The following CTDP1 variants were observed in gnomAD, a reference collection of about 807,000 sequenced individuals.
The protein encoded by CTDP1 is RNA polymerase II subunit A C-terminal domain phosphatase.
A neutral mutation model predicts 91.8 loss-of-function variants in CTDP1; 47 were observed. That is an observed-to-expected ratio of 0.51 (90% CI 0.41 to 0.65). The LOEUF is 0.65. CTDP1 is among the 30% of genes least tolerant of loss of function. The pLI, the probability that CTDP1 is intolerant of heterozygous loss-of-function variation, is 0.00. For synonymous variants in CTDP1, 656 were observed against 598.5 expected (o/e 1.10, Z -1.40); for missense variants, 1,272 against 1,373.7 (o/e 0.93, Z 1.17).
intron 12 of CTDP1, among the ~76,000 whole-genome samples, chr18:79,740,175 G>A (rs1475805972): frequency 1.3e-5 from 2 of 148,172 alleles, no homozygotes; most frequent in African/African-American, 5.0e-5. Context: ...CGGGACGGGT[G>A]GGACTCTCAT....
At chr18:79,751,150 A>C (rs1599329615) in intron 12 of CTDP1, among the ~76,000 whole-genome samples, 1 of 33,274 alleles carries the variant, frequency 3.0e-5, no homozygotes, top group Non-Finnish European at 5.5e-5. Flanking sequence ...CAGGCCGGGG[A>C]GGGAGGGGCT....
At chr18:79,696,618 C>G (rs2085753649) in intron 3 of CTDP1, among the ~76,000 whole-genome samples, 1 of 152,024 alleles carries the variant, frequency 6.6e-6, no homozygotes, top group Non-Finnish European at 1.5e-5. Context: ...TGGGCACATG[C>G]AGGGGCGGGT....
At chr18:79,709,513 C>A (rs545237125) in intron 5 of CTDP1, among the ~76,000 whole-genome samples, 2 of 152,124 alleles carry the variant, frequency 1.3e-5, no homozygotes, top group African/African-American at 2.4e-5. Context: ...TTTAAGGAGT[C>A]GAAGCTGAGC....
intron 4 of CTDP1, among the ~76,000 whole-genome samples, 165 bp from the exon 5 acceptor site, chr18:79,704,602 G>T (rs1443921163): frequency 1.3e-5 from 2 of 151,318 alleles, no homozygotes; most frequent in African/African-American, 4.9e-5. Context: ...CCTGTCTCAG[G>T]CACCCGTGTG....
At chr18:79,679,605 C>T (rs1019481871), upstream of CTDP1, 28 of 477,450 alleles carry the variant, frequency 5.9e-5, no homozygotes, top group Non-Finnish European at 9.9e-5. Flanking sequence ...GCGACAGCGG[C>T]CCGCGTTGCA....
At chr18:79,721,928 A>G (rs866945868) in intron 10 of CTDP1, among the ~76,000 whole-genome samples, 1 of 151,874 alleles carries the variant, frequency 6.6e-6, no homozygotes, top group Non-Finnish European at 1.5e-5. Flanking sequence ...GGTTCAAGCA[A>G]TTCTCATGCC....
Position 79,697,869 on chromosome 18 carries a change from C to T in CTDP1, c.502C>T (p.Gln168Ter). The change falls in exon 4 of 13, where the codon CAG becomes TAG. Residue 168 changes from glutamine (Q) to a stop codon, truncating the protein, a stop_gained. Transcript: ENST00000613122. LOFTEE classifies it high-confidence loss of function. Reference sequence around the variant, plus strand: ...TTCTTTTTAATTGTAGCAAGCTGAACAGCTGGGAAGAGAAGACCAGCAGCG... The same window carrying T: ...TTCTTTTTAATTGTAGCAAGCTGAATAGCTGGGAAGAGAAGACCAGCAGCG... ...ELMVSSEQAE[Q>*]LGREDQQRLH... The T allele has an allele frequency of 6.2e-7, 1 of 1,614,170 alleles. No individual in the cohort carries two copies. The highest frequency in any genetic ancestry group is 8.5e-7 in the Non-Finnish European group (1 of 1,180,028).
intron 12 of CTDP1, among the ~76,000 whole-genome samples, chr18:79,741,269 G>A (rs1007074365): frequency 7.9e-5 from 12 of 152,156 alleles, no homozygotes; most frequent in Non-Finnish European, 1.6e-4. Context: ...GAGGTCCCCC[G>A]TGCGGTTGAT....
chr18:79,712,259 A>ATTC (rs2122609684), intron 6 of CTDP1, among the ~76,000 whole-genome samples: 1 of 152,118 alleles, frequency 6.6e-6, no homozygotes, highest in African/African-American at 2.4e-5. Flanking sequence ...CCGCTTAGAA[A>ATTC]TTCTGCATCA....
chr18:79,679,263 C>G (rs893306050), upstream of CTDP1: 1 of 385,680 alleles, frequency 2.6e-6, no homozygotes, highest in Non-Finnish European at 5.3e-6. Context: ...CCGCAACCCC[C>G]AAGCTCCCGC....
At chr18:79,736,558 G>A (rs1007270011) in intron 12 of CTDP1, 37 bp downstream of exon 12, 56 of 1,503,772 alleles carry the variant, frequency 3.7e-5, no homozygotes, top group Admixed American at 8.7e-5. Flanking sequence ...GGCCTGACAC[G>A]GGCTCCCGGA....
At chr18:79,700,645 G>T (rs2085838994) in intron 4 of CTDP1, among the ~76,000 whole-genome samples, 1 of 152,242 alleles carries the variant, frequency 6.6e-6, no homozygotes, top group African/African-American at 2.4e-5. Flanking sequence ...GAAGCAGCAG[G>T]TGCTGTTGGA....
intron 4 of CTDP1, among the ~76,000 whole-genome samples, chr18:79,700,933 C>T (rs1406924508): frequency 2.6e-5 from 4 of 152,204 alleles, no homozygotes; most frequent in Non-Finnish European, 5.9e-5. Flanking sequence ...TGCTAAATCT[C>T]CTCTGCCTGT....
intron 5 of CTDP1, among the ~76,000 whole-genome samples, chr18:79,709,932 G>A (rs949956608): frequency 6.6e-6 from 1 of 152,192 alleles, no homozygotes; most frequent in Non-Finnish European, 1.5e-5. Flanking sequence ...GATCATATCC[G>A]AGGTGACGCA....
intron 11 of CTDP1, among the ~76,000 whole-genome samples, chr18:79,734,396 G>A (rs1175730767): frequency 6.6e-6 from 1 of 152,278 alleles, no homozygotes; most frequent in Non-Finnish European, 1.5e-5. Context: ...GCAGAAAGAG[G>A]GAGAGGAGAT....
intron 1 of CTDP1, among the ~76,000 whole-genome samples, chr18:79,688,138 TG>T (rs987738028): frequency 4.6e-5 from 7 of 152,256 alleles, no homozygotes; most frequent in Non-Finnish European, 4.4e-5. Flanking sequence ...GTCTGGGCTC[TG>T]GGCGACTGAA....
chr18:79,741,303 T>G (rs1282229903), intron 12 of CTDP1, among the ~76,000 whole-genome samples: 1 of 152,248 alleles, frequency 6.6e-6, no homozygotes, highest in Admixed American at 6.5e-5. Flanking sequence ...TATCCTTTTA[T>G]GCTTTTGGTG....
chr18:79,701,756 C>T (rs994171985), intron 4 of CTDP1, among the ~76,000 whole-genome samples: 6 of 152,084 alleles, frequency 3.9e-5, no homozygotes, highest in East Asian at 1.9e-4. Context: ...GGGAAGATGT[C>T]GATTCCAACC....
intron 4 of CTDP1, among the ~76,000 whole-genome samples, chr18:79,698,956 G>A (rs760134933): frequency 6.6e-6 from 1 of 152,206 alleles, no homozygotes; most frequent in Admixed American, 6.5e-5. Flanking sequence ...GTTTGGTTAA[G>A]TTTGGCCTTG....
Sources: allele counts gnomAD v4.1 joint callset (sites outside exome capture counted in the v4.1 genomes callset), GRCh38; gene constraint gnomAD v4.1.1; transcripts MANE v1.5; gene names NCBI Gene and HGNC (gene_info 2026-07-23, HGNC 2026-07-21).